Variants in SLC7A14 observed in about 807,000 individuals in gnomAD.
SLC7A14 encodes the protein solute carrier family 7 member 14, also known as gamma-aminobutyric acid transporter SLC7A14.
SLC7A14 carries 37 observed loss-of-function variants against 60.2 expected under a neutral mutation model. That is an observed-to-expected ratio of 0.61 (90% CI 0.47 to 0.81). The LOEUF is 0.81. Ranked by LOEUF, SLC7A14 falls within the 30% of genes least tolerant of loss-of-function variation. The pLI is 0.00. For missense variants in SLC7A14, 886 were observed against 982.7 expected, an observed-to-expected ratio of 0.90 and a Z score of 1.32; for synonymous variants, 399 against 395.8, an observed-to-expected ratio of 1.01 and a Z score of -0.10.
rs143045955 is a variant in SLC7A14 at position 170,564,388 on chromosome 3, G to A, written c.-153+21523C>T. The stretch of plus-strand genomic sequence containing the variant: ...AAGCACACTCTCCAGTGCTGGAGCT[G>A]GAAGAAACAATTGGATCTGACACTG... On this transcript the variant is annotated intron_variant, in intron 1 of 7. Coordinates refer to ENST00000231706, the MANE Select transcript of SLC7A14 (RefSeq NM_020949.3). Among the ~76,000 whole-genome samples the A allele has an allele frequency of 2.3e-3, 350 of 152,310 alleles. 1 individual carries two copies. Among genetic ancestry groups the A allele is most frequent in the African/African-American group, 8.0e-3 (333 of 41,574 alleles).
At chr3:170,496,653 G>A in intron 4 of SLC7A14, 1 of 1,320,416 alleles carries the variant, frequency 7.6e-7, no homozygotes, top group Non-Finnish European at 1.1e-6. Flanking sequence ...CTGGGATGCA[G>A]AACACGAGTA....
chr3:170,565,257 G>T lies in SLC7A14; in HGVS notation c.-153+20654C>A, dbSNP rs530533300. On this transcript the variant is annotated intron_variant, in intron 1 of 7. Coordinates refer to ENST00000231706, the MANE Select transcript of SLC7A14 (RefSeq NM_020949.3). ...CTCTTCGCTAGCTGAGATGAGCAAT[G>T]CAAGGAGGTGATGGCTCTCAACTGC... Among the ~76,000 whole-genome samples the T allele has an allele frequency of 4.4e-4, 67 of 152,206 alleles. 1 individual carries two copies. Among genetic ancestry groups the T allele is most frequent in the East Asian group, 1.4e-3 (7 of 5,158 alleles).
intron 2 of SLC7A14, among the ~76,000 whole-genome samples, chr3:170,518,559 A>G (rs1485682326): frequency 6.6e-6 from 1 of 152,196 alleles, no homozygotes; most frequent in Non-Finnish European, 1.5e-5. Context: ...GTATTACTAA[A>G]GTACATATCT....
intron 5 of SLC7A14, 45 bp from the exon 6 acceptor site, chr3:170,483,567 C>T: frequency 1.2e-6 from 2 of 1,606,508 alleles, no homozygotes; most frequent in Non-Finnish European, 1.7e-6. Context: ...AGGGGAAGAA[C>T]AGCATGGATA....
chr3:170,487,861 T>C (rs956968084), intron 4 of SLC7A14, among the ~76,000 whole-genome samples: 1 of 152,204 alleles, frequency 6.6e-6, no homozygotes, highest in Non-Finnish European at 1.5e-5. Flanking sequence ...TTCTTTCAGT[T>C]ATGAATGTAG....
At chr3:170,522,269 C>CT (rs1317475964) in intron 2 of SLC7A14, among the ~76,000 whole-genome samples, 7 of 152,186 alleles carry the variant, frequency 4.6e-5, no homozygotes, top group African/African-American at 1.4e-4. Context: ...ACCATATAAA[C>CT]TAACAACTTC....
Position 170,584,740 on chromosome 3 carries a change from A to T in SLC7A14, c.-153+1171T>A, listed in dbSNP as rs546045443. ...GCGGACAGCGCCATTCCCTGCACTC[A>T]GTCGGAGGAGGAGAGCTACCTTGCC... On this transcript the variant is annotated intron_variant, in intron 1 of 7. Transcript: ENST00000231706. Among the ~76,000 whole-genome samples the T allele has an allele frequency of 3.0e-4, 46 of 152,250 alleles. 1 individual carries two copies. The highest frequency in any genetic ancestry group is 1.0e-3 in the African/African-American group (42 of 41,548).
At chr3:170,574,430 C>A (rs1434638568) in intron 1 of SLC7A14, among the ~76,000 whole-genome samples, 1 of 152,156 alleles carries the variant, frequency 6.6e-6, no homozygotes. Flanking sequence ...TGCCTGGTCT[C>A]TGGGATTATG....
chr3:170,510,387 C>CAAAA (rs200708263), intron 2 of SLC7A14, among the ~76,000 whole-genome samples: 30 of 98,440 alleles, frequency 3.0e-4, no homozygotes, highest in East Asian at 1.1e-3. Context: ...AAGACTCTGT[C>CAAAA]AAAAAAAAAA....
intron 3 of SLC7A14, among the ~76,000 whole-genome samples, chr3:170,499,463 A>G (rs13078511): frequency 0.099 from 15,085 of 151,974 alleles, 1,140 homozygotes; most frequent in African/African-American, 0.21. Flanking sequence ...CTATGAAACC[A>G]TGGCACAGAA....
intron 4 of SLC7A14, chr3:170,496,641 G>A (rs1254286813): frequency 1.4e-6 from 2 of 1,428,528 alleles, no homozygotes; most frequent in Non-Finnish European, 2.0e-6. Context: ...CCCGGCTGGA[G>A]TCTGGGATGC....
chr3:170,523,979 T>C (rs1713415677), intron 2 of SLC7A14, among the ~76,000 whole-genome samples: 1 of 152,176 alleles, frequency 6.6e-6, no homozygotes. Flanking sequence ...CTGGGAGGAT[T>C]CCAAATGGCC....
intron 3 of SLC7A14, among the ~76,000 whole-genome samples, chr3:170,499,597 A>G (rs1331459535): frequency 6.6e-6 from 1 of 152,142 alleles, no homozygotes; most frequent in Admixed American, 6.5e-5. Context: ...CCCATTCCCA[A>G]ACCTTTTCTT....
chr3:170,583,896 A>C (rs1715304136), intron 1 of SLC7A14, among the ~76,000 whole-genome samples: 1 of 152,184 alleles, frequency 6.6e-6, no homozygotes, highest in African/African-American at 2.4e-5. Flanking sequence ...GGAAGAGAGG[A>C]GAGTGTGTGA....
intron 2 of SLC7A14, among the ~76,000 whole-genome samples, chr3:170,510,860 G>T (rs142656024): frequency 3.3e-5 from 5 of 152,336 alleles, no homozygotes; most frequent in Non-Finnish European, 5.9e-5. Context: ...AGGTGAAGGC[G>T]CATGTTTTCT....
intron 1 of SLC7A14, among the ~76,000 whole-genome samples, chr3:170,549,702 G>A (rs1156348804): frequency 6.6e-6 from 1 of 152,164 alleles, no homozygotes; most frequent in African/African-American, 2.4e-5. Flanking sequence ...ACAGTGACAC[G>A]AAGATTGCAT....
chr3:170,520,939 C>A (rs571880748), intron 2 of SLC7A14, among the ~76,000 whole-genome samples: 35 of 152,300 alleles, frequency 2.3e-4, no homozygotes, highest in Middle Eastern at 3.4e-3. Flanking sequence ...AACCATCCTG[C>A]CTCCACCCTT....
chr3:170,525,886 C>T (rs1713479858), intron 2 of SLC7A14, among the ~76,000 whole-genome samples: 1 of 152,150 alleles, frequency 6.6e-6, no homozygotes, highest in East Asian at 1.9e-4. Flanking sequence ...GCCTGGCCAA[C>T]ATGGTGAAAC....
chr3:170,543,680 AC>A (rs1298130660), intron 1 of SLC7A14, among the ~76,000 whole-genome samples: 1 of 150,168 alleles, frequency 6.7e-6, no homozygotes, highest in Non-Finnish European at 1.5e-5. Flanking sequence ...AAAAAGAACC[AC>A]AGTCTCTCCA....
Sources: allele counts gnomAD v4.1 joint callset (sites outside exome capture counted in the v4.1 genomes callset), GRCh38; gene constraint gnomAD v4.1.1; transcripts MANE v1.5; gene names NCBI Gene and HGNC (gene_info 2026-07-23, HGNC 2026-07-21).